The following CCDC13 variants were observed in gnomAD, a reference collection of about 807,000 sequenced individuals.
CCDC13 encodes coiled-coil domain-containing protein 13.
In CCDC13, 70 loss-of-function variants were observed where a neutral mutation model predicts 87.3. The observed-to-expected ratio is 0.80, with a 90% CI of 0.66 to 0.98. The LOEUF (loss-of-function observed/expected upper bound fraction) is 0.98, where lower values mean the gene tolerates loss of function less well. Among genes scored for constraint, CCDC13 ranks in the 50% least tolerant of loss-of-function variants. CCDC13 has a pLI of 0.00. For synonymous variants in CCDC13, 317 were observed against 360.3 expected (o/e 0.88, Z 1.36); for missense variants, 842 against 892.0 (o/e 0.94, Z 0.71).
rs187387208 is a variant in CCDC13, at chr3:42,765,758, G to T, written c.-6-7407C>A. ...GGTGGGGAAGGGACGGTGCCTGAGTGGGGGGCAACGGGCTCTCCTGCCAGA... is the reference window on the plus strand; with the variant it reads ...GGTGGGGAAGGGACGGTGCCTGAGTTGGGGGCAACGGGCTCTCCTGCCAGA... On this transcript the variant is annotated intron_variant, in intron 1 of 15. Transcript: ENST00000310232. 5.4e-4 allele frequency among the ~76,000 whole-genome samples: 83 copies of T among 152,308 alleles called. No homozygotes were observed. The East Asian group carries it at 0.014, about 25-fold the overall frequency.
intron 8 of CCDC13, 66 bp downstream of exon 8, chr3:42,742,830 C>A: frequency 6.3e-7 from 1 of 1,585,646 alleles, no homozygotes; most frequent in South Asian, 1.1e-5. Flanking sequence ...GCCTCAGAGC[C>A]CTTGCAGGCA....
chr3:42,733,545 TG>T lies in CCDC13; in HGVS notation c.1435del (p.Gln479SerfsTer8). ...SGREVSPAYT[Q>X]FLEDPGLTKS... ...GGTCAGGCCTGGGTCCTCCAGGAAC[TG>T]GGTATAGGCAGGGCTGACCTCGCGG... On this transcript the variant is annotated frameshift_variant, in exon 11 of 16. Transcript: ENST00000310232. LOFTEE classifies it high-confidence loss of function. 1 of 1,614,046 alleles carries T rather than the reference TG, an allele frequency of 6.2e-7. No homozygotes were observed. The highest frequency in any genetic ancestry group is 8.5e-7 in the Non-Finnish European group (1 of 1,180,000).
Position 42,707,811 on chromosome 3 carries a change from T to A in CCDC13, c.*1169A>T, listed in dbSNP as rs1202079962. Reference sequence around the variant, plus strand: ...ATTGAGGTATGTGTGTGCATCTGCATCTTTGTGTGGGGCTGTGGGTGCACC... The same window carrying A: ...ATTGAGGTATGTGTGTGCATCTGCAACTTTGTGTGGGGCTGTGGGTGCACC... On this transcript the variant is annotated 3_prime_UTR_variant, in exon 16 of 16. Transcript: ENST00000310232. Among the ~76,000 whole-genome samples the A allele has an allele frequency of 1.3e-5, 2 of 152,222 alleles. No individual in the cohort carries two copies. The highest frequency in any genetic ancestry group is 2.9e-5 in the Non-Finnish European group (2 of 68,034).
At chr3:42,732,634 C>T (rs1698871117) in intron 12 of CCDC13, 1 of 508,810 alleles carries the variant, frequency 2.0e-6, no homozygotes, top group East Asian at 3.3e-5. Context: ...CAGGAAGGTT[C>T]CTCAGGTTAA....
chr3:42,708,536 GAGGGGAT>G lies in CCDC13; in HGVS notation c.*437_*443del, dbSNP rs1214194391. 1 of 155,054 alleles carries G rather than the reference GAGGGGAT, an allele frequency of 6.4e-6. No homozygotes were observed. Among genetic ancestry groups the G allele is most frequent in the African/African-American group, 2.4e-5 (1 of 41,470 alleles). The allele number at this position is 155,054 out of a possible 1,614,324, so 9.6% of individuals were successfully genotyped here. On this transcript the variant is annotated 3_prime_UTR_variant, in exon 16 of 16. Coordinates refer to ENST00000310232, the MANE Select transcript of CCDC13 (RefSeq NM_144719.4). ...CTACAGATGGAGCCGGGATGGGGGT[GAGGGGAT>G]AGGGCAGGGCTGAGTGGCATGGGGG...
At chr3:42,723,963 A>G (rs1010457827) in intron 13 of CCDC13, among the ~76,000 whole-genome samples, 1 of 152,218 alleles carries the variant, frequency 6.6e-6, no homozygotes, top group Non-Finnish European at 1.5e-5. Flanking sequence ...TTTACAACAA[A>G]TTAAAAATTT....
chr3:42,717,665 A>G (rs78218376), intron 13 of CCDC13, among the ~76,000 whole-genome samples: 5,880 of 152,318 alleles, frequency 0.039, 382 homozygotes, highest in African/African-American at 0.13. Context: ...TACATATACC[A>G]CACAAATTTA....
chr3:42,770,973 G>A (rs898551921), intron 1 of CCDC13: 1 of 152,162 alleles, frequency 6.6e-6, no homozygotes, highest in Admixed American at 6.6e-5. Context: ...GAGGGTCTGC[G>A]GCTTTGTTCT....
intron 1 of CCDC13, among the ~76,000 whole-genome samples, chr3:42,772,533 C>G (rs1700151281): frequency 6.6e-6 from 1 of 152,176 alleles, no homozygotes; most frequent in Admixed American, 6.5e-5. Flanking sequence ...TCTCTTTCTT[C>G]TTTTCTTTTA....
intron 13 of CCDC13, 121 bp from the exon 14 acceptor site, chr3:42,713,437 A>G: frequency 1.1e-6 from 1 of 917,354 alleles, no homozygotes; most frequent in Non-Finnish European, 1.6e-6. Context: ...GGACCTCTTC[A>G]TTTTCATTGC....
chr3:42,718,926 T>C (rs555760777), intron 13 of CCDC13: 1 of 152,222 alleles, frequency 6.6e-6, no homozygotes, highest in East Asian at 1.9e-4. Flanking sequence ...TTAGCATCTC[T>C]CCTAAGACAA....
Position 42,758,284 on chromosome 3 carries a change from A to G in CCDC13, c.62T>C (p.Met21Thr). The change falls in exon 2 of 16, where the codon ATG (methionine) becomes ACG (threonine). Residue 21 changes from methionine to threonine, a missense_variant. Coordinates refer to ENST00000310232, the MANE Select transcript of CCDC13 (RefSeq NM_144719.4). Reference sequence around the variant, plus strand: ...CTGCTTCTGTAACCGTTTGTGCTGCATCTCCTGCATTGCCTTGAACTGGAG... The same window carrying G: ...CTGCTTCTGTAACCGTTTGTGCTGCGTCTCCTGCATTGCCTTGAACTGGAG... ...LRLQFKAMQE[M>T]QHKRLQKQME... 1 of 1,613,398 alleles carries G rather than the reference A, an allele frequency of 6.2e-7. No homozygotes were observed. The highest frequency in any genetic ancestry group is 8.5e-7 in the Non-Finnish European group (1 of 1,179,994).
At chr3:42,754,422 C>T (rs993222696) in intron 3 of CCDC13, among the ~76,000 whole-genome samples, 1 of 152,146 alleles carries the variant, frequency 6.6e-6, no homozygotes, top group Admixed American at 6.5e-5. Context: ...TGCTCCCTGG[C>T]TCCTTTAATA....
intron 13 of CCDC13, among the ~76,000 whole-genome samples, chr3:42,716,892 C>A (rs962467152): frequency 6.6e-6 from 1 of 152,100 alleles, no homozygotes; most frequent in African/African-American, 2.4e-5. Flanking sequence ...GCATTATTCA[C>A]AATAGCCAAA....
intron 15 of CCDC13, 96 bp downstream of exon 15, chr3:42,709,588 T>A (rs1006139624): frequency 3.0e-6 from 3 of 993,362 alleles, no homozygotes; most frequent in African/African-American, 1.6e-5. Context: ...GGCAAATGAG[T>A]CAAAAGTGCA....
chr3:42,752,131 C>G (rs1183108889), intron 4 of CCDC13, 106 bp from the exon 5 acceptor site: 17 of 918,966 alleles, frequency 1.8e-5, no homozygotes, highest in Non-Finnish European at 2.9e-5. Context: ...GGTGGTGTGT[C>G]CTTTTAGCTC....
chr3:42,741,608 G>A (rs894747596), intron 8 of CCDC13, among the ~76,000 whole-genome samples: 1 of 152,234 alleles, frequency 6.6e-6, no homozygotes, highest in Admixed American at 6.5e-5. Flanking sequence ...ATGGTGGCAG[G>A]TGCCTGTAAT....
chr3:42,754,132 G>A (rs1329175123), intron 3 of CCDC13, among the ~76,000 whole-genome samples: 2 of 152,166 alleles, frequency 1.3e-5, no homozygotes, highest in African/African-American at 4.8e-5. Context: ...TTTTAGTCCT[G>A]CTTTTTAACA....
Position 42,745,795 on chromosome 3 carries a change from T to C in CCDC13, c.825+128A>G, listed in dbSNP as rs191963974. 3 of 627,262 alleles carry C rather than the reference T, an allele frequency of 4.8e-6. No individual in the cohort carries two copies. In the African/African-American group the frequency reaches 5.5e-5, roughly 11 times the overall value. The allele number at this position is 627,262 out of a possible 1,614,324, so 38.9% of individuals were successfully genotyped here. On this transcript the variant is annotated intron_variant, in intron 7 of 15. Transcript: ENST00000310232. ...AGGTAAAACAACAACCCCGCACGAG[T>C]GCACTGTGAGACCTAAAGGCCTTTT...
Sources: allele counts gnomAD v4.1 joint callset (sites outside exome capture counted in the v4.1 genomes callset), GRCh38; gene constraint gnomAD v4.1.1; transcripts MANE v1.5; gene names NCBI Gene and HGNC (gene_info 2026-07-23, HGNC 2026-07-21).